Variants in HDAC1 observed in about 807,000 individuals in gnomAD.
The protein encoded by HDAC1 is histone deacetylase 1, also known as protein deacetylase HDAC1.
Under a neutral mutation model 65.5 loss-of-function variants are expected in HDAC1, and 18 were observed. The observed-to-expected ratio is 0.27, with a 90% confidence interval of 0.19 to 0.41. HDAC1 has a LOEUF of 0.41. Among genes scored for constraint, HDAC1 ranks in the 10% least tolerant of loss-of-function variants. The pLI is 1.00. For synonymous variants in HDAC1, 211 were observed against 227.9 expected, an observed-to-expected ratio of 0.93 and a Z score of 0.67; for missense variants, 373 against 625.2, an observed-to-expected ratio of 0.60 and a Z score of 4.30.
intron 3 of HDAC1, among the ~76,000 whole-genome samples, chr1:32,320,934 A>G (rs1305857667): frequency 6.7e-6 from 1 of 149,758 alleles, no homozygotes; most frequent in Non-Finnish European, 1.5e-5. Flanking sequence ...CAGAAAAAGA[A>G]AAAAACATAT....
chr1:32,330,252 T>C lies in HDAC1; in HGVS notation c.730-326T>C. 3.1e-6 allele frequency: 1 copy of C among 323,144 alleles called. No individual in the cohort carries two copies. Among genetic ancestry groups the C allele is most frequent in the Non-Finnish European group, 5.9e-6 (1 of 169,806 alleles). The allele number at this position is 323,144 out of a possible 1,614,324, so 20.0% of individuals were successfully genotyped here. A position where few individuals can be genotyped will look rare whatever the true frequency, so the allele number is the denominator to read the frequency against. ...TGTAAGACCGAATGAGTAGAGTAGA[T>C]GCAGCTAAAGGTCAGGAAGGCTTCC... On this transcript the variant is annotated intron_variant, in intron 7 of 13. Transcript: ENST00000373548. This position sits in a 1 kb window ranked among gnomAD's most constrained non-coding sequence, Gnocchi z 4.2.
intron 12 of HDAC1, 133 bp downstream of exon 12, chr1:32,332,375 G>A: frequency 1.2e-6 from 1 of 846,618 alleles, no homozygotes; most frequent in East Asian, 2.5e-5. Context: ...GAGCCTTTCA[G>A]TGGCTCCCAG....
Position 32,292,095 on chromosome 1 carries a change from G to A in HDAC1, c.-75G>A. 1 of 1,441,734 alleles carries A rather than the reference G, an allele frequency of 6.9e-7. No individual in the cohort carries two copies. The highest frequency in any genetic ancestry group is 9.5e-7 in the Non-Finnish European group (1 of 1,052,754). The allele number at this position is 1,441,734 out of a possible 1,614,324, so 89.3% of individuals were successfully genotyped here. The stretch of plus-strand genomic sequence containing the variant: ...GCCGGAGGCCCGCCCCCTCCCCCCT[G>A]GGTCGGACGCTGAGCGGAGCCGCGG... On this transcript the variant is annotated 5_prime_UTR_variant, in exon 1 of 14. Transcript: ENST00000373548.
intron 1 of HDAC1, among the ~76,000 whole-genome samples, chr1:32,301,213 G>A (rs979007103): frequency 1.3e-5 from 2 of 151,964 alleles, no homozygotes; most frequent in African/African-American, 4.8e-5. Context: ...TTGGGAGGCC[G>A]AGGCGGGCAG....
intron 3 of HDAC1, among the ~76,000 whole-genome samples, chr1:32,320,189 C>T (rs1415693515): frequency 1.3e-5 from 2 of 151,310 alleles, no homozygotes; most frequent in South Asian, 2.1e-4. Context: ...CACTGTACTC[C>T]AGCTTGGGCG....
intron 6 of HDAC1, among the ~76,000 whole-genome samples, chr1:32,328,414 C>A (rs1189266240): frequency 6.6e-6 from 1 of 151,950 alleles, no homozygotes; most frequent in South Asian, 2.1e-4. Flanking sequence ...CGCCTCCAGG[C>A]GATCTTGTGC....
In HDAC1 at chr1:32,329,149, AT is replaced by A. The variant is rs2148071473; in HGVS notation, c.722del (p.Phe241SerfsTer8). 1 of 1,607,300 alleles carries A rather than the reference AT, an allele frequency of 6.2e-7. No individual in the cohort carries two copies. Among genetic ancestry groups the A allele is most frequent in the Non-Finnish European group, 8.5e-7 (1 of 1,173,936 alleles). The stretch of plus-strand genomic sequence containing the variant: ...GATTGATGACGAGTCCTATGAGGCC[AT>A]TTTCAAGCCGGTAAGTGGCTTTATC... ...DGIDDESYEAIFKPVMSKVME... is the reference protein window; with the variant it reads ...DGIDDESYEAXFKPVMSKVME... On this transcript the variant is annotated frameshift_variant, in exon 7 of 14. Transcript: ENST00000373548. LOFTEE classifies it high-confidence loss of function. This position sits in a 1 kb window ranked among gnomAD's most constrained non-coding sequence, Gnocchi z 4.1.
intron 4 of HDAC1, among the ~76,000 whole-genome samples, chr1:32,326,327 A>T (rs186815786): frequency 1.1e-4 from 16 of 151,902 alleles, no homozygotes; most frequent in African/African-American, 3.6e-4. Context: ...ACGCCCAGCT[A>T]AATTTTTTCG....
intron 1 of HDAC1, among the ~76,000 whole-genome samples, chr1:32,300,220 T>C (rs1305870275): frequency 1.3e-5 from 2 of 152,158 alleles, no homozygotes; most frequent in East Asian, 3.9e-4. Flanking sequence ...GCCTCTGTGA[T>C]ATACAAGGCA....
chr1:32,302,722 A>G lies in HDAC1; in HGVS notation c.151A>G (p.Met51Val). Residue 51 changes from methionine (M) to valine (V), a missense_variant, in exon 2 of 14, where the codon ATG becomes GTG. Coordinates refer to ENST00000373548, the MANE Select transcript of HDAC1 (RefSeq NM_004964.3). ...GCTCAACTATGGTCTCTACCGAAAA[A>G]TGGAAATCTATGTGAGTTACCAGAG... ...LLLNYGLYRK[M>V]EIYRPHKANA... is the part of the protein sequence containing the mutation. 1 of 1,512,694 alleles carries G rather than the reference A, an allele frequency of 6.6e-7. No homozygotes were observed. The highest frequency in any genetic ancestry group is 1.4e-5 in the African/African-American group (1 of 73,002). The allele number at this position is 1,512,694 out of a possible 1,614,324, so 93.7% of individuals were successfully genotyped here. A position where few individuals can be genotyped will look rare whatever the true frequency, so the allele number is the denominator to read the frequency against.
intron 2 of HDAC1, among the ~76,000 whole-genome samples, chr1:32,308,386 G>C (rs558626533): frequency 6.6e-6 from 1 of 152,334 alleles, no homozygotes; most frequent in South Asian, 2.1e-4. Flanking sequence ...AACGTTTTAA[G>C]ATTTTTGTGA....
intron 2 of HDAC1, among the ~76,000 whole-genome samples, chr1:32,312,608 C>T (rs893816572): frequency 6.6e-6 from 1 of 151,974 alleles, no homozygotes; most frequent in African/African-American, 2.4e-5. Flanking sequence ...TGATCTGCCC[C>T]GCTCAGCCTC....
chr1:32,332,315 G>A (rs1641304149), intron 12 of HDAC1, 73 bp downstream of exon 12: 2 of 1,427,644 alleles, frequency 1.4e-6, no homozygotes, highest in Non-Finnish European at 1.9e-6. Flanking sequence ...GTGGGAGGAG[G>A]GAGTGACTCA....
chr1:32,310,855 GA>G (rs374638601), intron 2 of HDAC1, among the ~76,000 whole-genome samples: 1,604 of 124,522 alleles, frequency 0.013, 7 homozygotes, highest in Middle Eastern at 0.039. Context: ...GTGAAAAAAA[GA>G]AAAAAAAAAT....
chr1:32,328,382 G>A (rs1641247592), intron 6 of HDAC1, among the ~76,000 whole-genome samples: 1 of 152,022 alleles, frequency 6.6e-6, no homozygotes, highest in African/African-American at 2.4e-5. Flanking sequence ...CGTGATCTCG[G>A]TTCACTGCAG....
Position 32,330,539 on chromosome 1 carries a change from T to C in HDAC1, c.730-39T>C. The C allele has an allele frequency of 7.0e-7, 1 of 1,420,130 alleles. No homozygotes were observed. Among genetic ancestry groups the C allele is most frequent in the East Asian group, 2.3e-5 (1 of 43,920 alleles). 88.0% of individuals were successfully genotyped at this position (1,420,130 alleles called of 1,614,324 possible). On this transcript the variant is annotated intron_variant, in intron 7 of 13. Transcript: ENST00000373548. The surrounding 1 kb of genome is among the most constrained non-coding windows in gnomAD (Gnocchi z 4.2). ...CTTTCCACTCCAAACCTCGTATTGC[T>C]TTCTTGAGGTTGGTGGTGACCAGGA... is the stretch of plus-strand genomic sequence containing the variant.
In HDAC1 at chr1:32,331,667, T is replaced by A. The variant is rs773149590; in HGVS notation, c.1089-9T>A. 1.2e-6 allele frequency: 2 copies of A among 1,613,278 alleles called. No individual in the cohort carries two copies. Among genetic ancestry groups the A allele is most frequent in the African/African-American group, 2.7e-5 (2 of 74,872 alleles). ...CCAGAGCCCTGCTACTCTCTCCCAT[T>A]GGCCACAGACAGCGACTGTTTGAGA... On this transcript the variant is annotated splice_polypyrimidine_tract_variant and intron_variant, in intron 10 of 13. Transcript: ENST00000373548. This position sits in a 1 kb window ranked among gnomAD's most constrained non-coding sequence, Gnocchi z 4.2.
At position 32,330,714 on chromosome 1, in the gene HDAC1, G is replaced by T; in HGVS notation, c.838+28G>T. ...GAGACCAGGTAGCACAAGGATGGGT[G>T]GGCGGGGTCCTGCTTGGTGCTCCTG... is the stretch of plus-strand genomic sequence containing the variant. On this transcript the variant is annotated intron_variant, in intron 8 of 13. Coordinates refer to ENST00000373548, the MANE Select transcript of HDAC1 (RefSeq NM_004964.3). The surrounding 1 kb of genome is among the most constrained non-coding windows in gnomAD (Gnocchi z 4.2). The T allele has an allele frequency of 1.2e-6, 2 of 1,613,470 alleles. No homozygotes were observed. The highest frequency in any genetic ancestry group is 1.7e-6 in the Non-Finnish European group (2 of 1,179,392).
intron 2 of HDAC1, among the ~76,000 whole-genome samples, chr1:32,308,047 C>T (rs1419460110): frequency 6.6e-6 from 1 of 152,236 alleles, no homozygotes; most frequent in Non-Finnish European, 1.5e-5. Context: ...GGGCCGGGCG[C>T]AGTGGCTCAC....
Sources: allele counts gnomAD v4.1 joint callset (sites outside exome capture counted in the v4.1 genomes callset), GRCh38; gene constraint gnomAD v4.1.1; non-coding constraint Gnocchi (gnomAD v3.1); transcripts MANE v1.5; gene names NCBI Gene and HGNC (gene_info 2026-07-23, HGNC 2026-07-21).